The following INO80E variants were observed in gnomAD, a reference collection of about 807,000 sequenced individuals.
INO80E encodes coiled-coil domain containing 95.
A neutral mutation model predicts 27.3 loss-of-function variants in INO80E; 20 were observed. The ratio of observed to expected loss-of-function variants is 0.73; its 90% CI spans 0.51 to 1.06. The LOEUF (loss-of-function observed/expected upper bound fraction) is 1.06. INO80E is among the 50% of genes least tolerant of loss of function. The pLI, the probability that INO80E is intolerant of heterozygous loss-of-function variation, is 0.00. For missense variants in INO80E, 357 were observed against 322.8 expected (o/e 1.11, Z -0.81); for synonymous variants, 167 against 145.9 (o/e 1.14, Z -1.04).
At chr16:30,004,899 G>A (rs568588526) in intron 6 of INO80E, among the ~76,000 whole-genome samples, 2 of 152,260 alleles carry the variant, frequency 1.3e-5, no homozygotes, top group South Asian at 2.1e-4. Context: ...ACTCCAGGCC[G>A]ACTCCGCCTC....
rs767924753 is a variant in INO80E, at chr16:30,005,352, C to T, written c.645C>T (p.Ser215=). 7.0e-6 allele frequency: 9 copies of T among 1,285,736 alleles called. No homozygotes were observed. The highest frequency in any genetic ancestry group is 2.5e-5 in the Admixed American group (1 of 40,170). The allele number at this position is 1,285,736 out of a possible 1,614,324, so 79.6% of individuals were successfully genotyped here. ...PPKMPPPTIL[S]TVPRQMFSDA... is the part of the protein sequence containing the mutation. Reference sequence around the variant, plus strand: ...AGATGCCCCCCCCCACGATCCTGAGCACGGTCCCTCGGCAGATGTTCAGCG... The same window carrying T: ...AGATGCCCCCCCCCACGATCCTGAGTACGGTCCCTCGGCAGATGTTCAGCG... The change falls in exon 7 of 7, where the codon AGC becomes AGT. Residue 215 remains serine (S), a synonymous_variant. Transcript: ENST00000563197.
Position 29,996,735 on chromosome 16 carries a change from G to A in INO80E, c.153-73G>A. 7 of 1,593,890 alleles carry A rather than the reference G, an allele frequency of 4.4e-6. No homozygotes were observed. In the South Asian group the frequency reaches 6.6e-5, roughly 15 times the overall value. On this transcript the variant is annotated intron_variant, in intron 2 of 6. Transcript: ENST00000563197. ...CTTTCAAGTATCCGATGGGCCAGCT[G>A]GGAGGGACAGGTACCCAGGAGGACA...
chr16:29,996,666 A>G (rs1299764438), intron 2 of INO80E, 49 bp downstream of exon 2: 21 of 1,583,682 alleles, frequency 1.3e-5, no homozygotes, highest in Non-Finnish European at 1.7e-5. Context: ...TAGGAAATCT[A>G]CATTCGGACC....
chr16:29,999,946 G>A (rs2070285511), intron 3 of INO80E, among the ~76,000 whole-genome samples: 1 of 152,124 alleles, frequency 6.6e-6, no homozygotes, highest in African/African-American at 2.4e-5. Flanking sequence ...GTGGATGAAG[G>A]GGAGGACTTC....
intron 3 of INO80E, chr16:29,999,454 T>C (rs560149253): frequency 6.6e-6 from 1 of 152,174 alleles, no homozygotes; most frequent in African/African-American, 2.4e-5. Flanking sequence ...TTCAGCACAG[T>C]GTGAGGGCAG....
chr16:29,997,368 T>C (rs1283008709), intron 3 of INO80E, among the ~76,000 whole-genome samples: 3 of 152,110 alleles, frequency 2.0e-5, no homozygotes, highest in African/African-American at 7.2e-5. Flanking sequence ...TATGTTTCTA[T>C]AAAACTTTAT....
chr16:30,000,718 G>C, intron 3 of INO80E, 40 bp from the exon 4 acceptor site: 3 of 1,549,278 alleles, frequency 1.9e-6, no homozygotes, highest in Non-Finnish European at 2.7e-6. Context: ...GGATGGACTG[G>C]GATCCCCCCA....
intron 3 of INO80E, among the ~76,000 whole-genome samples, chr16:29,998,614 A>G (rs1322260241): frequency 6.6e-6 from 1 of 152,182 alleles, no homozygotes; most frequent in Non-Finnish European, 1.5e-5. Flanking sequence ...GCAAACCAAT[A>G]AATTGATTTC....
chr16:30,005,123 T>C (rs1033096318), intron 6 of INO80E, 98 bp from the exon 7 acceptor site: 2 of 1,315,986 alleles, frequency 1.5e-6, no homozygotes, highest in Non-Finnish European at 2.0e-6. Flanking sequence ...CAGGGCCTCT[T>C]CCCCCTCCCC....
intron 3 of INO80E, 148 bp downstream of exon 3, chr16:29,997,008 T>C (rs2070148778): frequency 1.4e-6 from 1 of 739,164 alleles, no homozygotes; most frequent in Non-Finnish European, 2.4e-6. Context: ...CACCGTTCTT[T>C]CATTCAGGCA....
rs1219426306 is a variant in INO80E at position 30,005,236 on chromosome 16, C to A, written c.529C>A (p.Pro177Thr). 3 of 1,452,984 alleles carry A rather than the reference C, an allele frequency of 2.1e-6. No homozygotes were observed. In the Admixed American group the frequency reaches 9.3e-5, roughly 45 times the overall value. The allele number at this position is 1,452,984 out of a possible 1,614,324, so 90.0% of individuals were successfully genotyped here. A position where few individuals can be genotyped will look rare whatever the true frequency, so the allele number is the denominator to read the frequency against. The change falls in exon 7 of 7, where the codon CCC becomes ACC. Residue 177 changes from proline (P) to threonine (T), a missense_variant. Coordinates refer to ENST00000563197, the MANE Select transcript of INO80E (RefSeq NM_173618.3). ...PRKLKMAVGP[P>T]DCPVGGPLTF... Reference sequence around the variant, plus strand: ...CCTGCTGCAGATGGCGGTGGGACCCCCCGACTGCCCTGTGGGAGGGCCGCT... The same window carrying A: ...CCTGCTGCAGATGGCGGTGGGACCCACCGACTGCCCTGTGGGAGGGCCGCT...
Position 30,001,415 on chromosome 16 carries a change from T to TGGCC in INO80E, c.399_402dup (p.Ser135GlyfsTer11). On this transcript the variant is annotated frameshift_variant and splice_region_variant, in exon 6 of 7. Transcript: ENST00000563197. LOFTEE classifies it high-confidence loss of function. ...CTCCATCCCCGCTCCCGCCCGCAGCTGGCCTCCTCCCGCTACCCCCCATTC... is the reference window on the plus strand; with the variant it reads ...CTCCATCCCCGCTCCCGCCCGCAGCTGGCCGGCCTCCTCCCGCTACCCCCCATTC... 2 of 1,592,984 alleles carry TGGCC rather than the reference T, an allele frequency of 1.3e-6. No individual in the cohort carries two copies. The highest frequency in any genetic ancestry group is 1.7e-6 in the Non-Finnish European group (2 of 1,168,712).
rs2070434595 is a variant in INO80E, at chr16:30,003,759, G to A, written c.514-1462G>A. 6.6e-6 allele frequency: 1 copy of A among 152,374 alleles called. No individual in the cohort carries two copies. The highest frequency in any genetic ancestry group is 2.1e-4 in the South Asian group (1 of 4,834). The allele number at this position is 152,374 out of a possible 1,614,324, so 9.4% of individuals were successfully genotyped here. ...GAGCCGCTGCCAGTCAGGCTGAGAGGACGCCACTGAGGAAGTCCAGGCCAG... is the reference window on the plus strand; with the variant it reads ...GAGCCGCTGCCAGTCAGGCTGAGAGAACGCCACTGAGGAAGTCCAGGCCAG... On this transcript the variant is annotated intron_variant, in intron 6 of 6. Transcript: ENST00000563197. The surrounding 1 kb of genome is among the most constrained non-coding windows in gnomAD (Gnocchi z 4.4).
At position 30,001,445 on chromosome 16, in the gene INO80E, C is replaced by G. The variant is rs779190889; in HGVS notation, c.428C>G (p.Ser143Cys). Residue 143 changes from serine to cysteine, a missense_variant, in exon 6 of 7, where the codon TCT becomes TGT. Transcript: ENST00000563197. Reference sequence around the variant, plus strand: ...TCCTCCCGCTACCCCCCATTCCCTTCTGACTACCTGGCCCTGCAGCTGCCC... The same window carrying G: ...TCCTCCCGCTACCCCCCATTCCCTTGTGACTACCTGGCCCTGCAGCTGCCC... ...LASSRYPPFP[S>C]DYLALQLPEP... The G allele has an allele frequency of 6.2e-7, 1 of 1,611,890 alleles. No individual in the cohort carries two copies. The highest frequency in any genetic ancestry group is 1.3e-5 in the African/African-American group (1 of 74,864).
chr16:30,001,750 C>CTACA, intron 6 of INO80E: 1 of 502,226 alleles, frequency 2.0e-6, no homozygotes, highest in Non-Finnish European at 3.6e-6. Flanking sequence ...TGTGCAGATG[C>CTACA]CAGGGATCCC....
chr16:29,997,485 G>A (rs558818458), intron 3 of INO80E, among the ~76,000 whole-genome samples: 1 of 151,898 alleles, frequency 6.6e-6, no homozygotes, highest in South Asian at 2.1e-4. Context: ...GCCAGGTGCA[G>A]TGGCCCACGC....
Position 30,005,232 on chromosome 16 carries a change from A to AC in INO80E, c.531dup (p.Asp178ArgfsTer30). The AC allele has an allele frequency of 7.4e-7, 1 of 1,359,662 alleles. No homozygotes were observed. 84.2% of individuals were successfully genotyped at this position (1,359,662 alleles called of 1,614,324 possible). ...TCCCCCTGCTGCAGATGGCGGTGGG[A>AC]CCCCCCGACTGCCCTGTGGGAGGGC... On this transcript the variant is annotated frameshift_variant, in exon 7 of 7. Transcript: ENST00000563197. LOFTEE classifies it high-confidence loss of function.
In INO80E at chr16:29,996,852, ACT is replaced by A. The variant is rs2070141602; in HGVS notation, c.200_201del (p.Ser67PhefsTer11). ...CTGCAGTACGAGAACGTGGATGAAG[ACT>A]CTTCGGGTGAGCAAGGTCTTCAAAA... On this transcript the variant is annotated frameshift_variant, in exon 3 of 7. Coordinates refer to ENST00000563197, the MANE Select transcript of INO80E (RefSeq NM_173618.3). LOFTEE classifies it high-confidence loss of function. 2 of 1,613,766 alleles carry A rather than the reference ACT, an allele frequency of 1.2e-6. No individual in the cohort carries two copies. Among genetic ancestry groups the A allele is most frequent in the South Asian group, 1.1e-5 (1 of 91,066 alleles).
At chr16:29,996,714 C>G in intron 2 of INO80E, 94 bp from the exon 3 acceptor site, 1 of 1,589,808 alleles carries the variant, frequency 6.3e-7, no homozygotes, top group Non-Finnish European at 8.6e-7. Flanking sequence ...TGGGCTCTTT[C>G]AAGTATCCGA....
Sources: allele counts gnomAD v4.1 joint callset (sites outside exome capture counted in the v4.1 genomes callset), GRCh38; gene constraint gnomAD v4.1.1; non-coding constraint Gnocchi (gnomAD v3.1); transcripts MANE v1.5; gene names NCBI Gene and HGNC (gene_info 2026-07-23, HGNC 2026-07-21).